The following IL5RA variants were observed in gnomAD, a reference collection of about 807,000 sequenced individuals.
The protein encoded by IL5RA is interleukin 5 receptor subunit alpha.
In IL5RA, 49 loss-of-function variants were observed where a neutral mutation model predicts 50.0. The observed-to-expected ratio is 0.98, with a 90% CI of 0.78 to 1.24. The LOEUF (loss-of-function observed/expected upper bound fraction) is 1.24. IL5RA is among the 50% of genes most tolerant of loss of function. IL5RA has a pLI of 0.00. For missense variants in IL5RA, 600 were observed against 500.4 expected, an observed-to-expected ratio of 1.20 and a Z score of -1.90; for synonymous variants, 202 against 174.0, an observed-to-expected ratio of 1.16 and a Z score of -1.26.
intron 1 of IL5RA, among the ~76,000 whole-genome samples, chr3:3,108,925 A>C (rs1704057262): frequency 6.6e-6 from 1 of 152,222 alleles, no homozygotes; most frequent in Non-Finnish European, 1.5e-5. Flanking sequence ...ACTTTTAACA[A>C]ATAGCTACAT....
intron 5 of IL5RA, among the ~76,000 whole-genome samples, chr3:3,101,115 G>T (rs1248148398): frequency 2.0e-5 from 3 of 151,474 alleles, no homozygotes; most frequent in African/African-American, 7.3e-5. Flanking sequence ...GGAGGCAGAG[G>T]TTGCAGTGAG....
rs565772259 is a variant in IL5RA at position 3,073,827 on chromosome 3, C to T, written c.1176+955G>A. ...AGATGTATATGAAAATGCAGAGGAC[C>T]TACAATAACCAAAACAAATTTTTAA... On this transcript the variant is annotated intron_variant, in intron 11 of 11. Coordinates refer to ENST00000446632, the MANE Select transcript of IL5RA (RefSeq NM_175726.4). 2.6e-4 allele frequency: 116 copies of T among 441,040 alleles called. 4 individuals carry two copies. The Middle Eastern group carries it at 4.0e-3, about 15-fold the overall frequency. 27.3% of individuals were successfully genotyped at this position (441,040 alleles called of 1,614,324 possible).
At chr3:3,073,387 G>A (rs994200707) in intron 11 of IL5RA, among the ~76,000 whole-genome samples, 1 of 152,110 alleles carries the variant, frequency 6.6e-6, no homozygotes, top group Admixed American at 6.5e-5. Flanking sequence ...GGCCAAATCT[G>A]GCTTGTTGCC....
intron 9 of IL5RA, among the ~76,000 whole-genome samples, chr3:3,088,306 A>G (rs991765722): frequency 2.0e-5 from 3 of 152,174 alleles, no homozygotes; most frequent in Admixed American, 6.5e-5. Flanking sequence ...TGCAGCACTT[A>G]TATTTTACAG....
chr3:3,075,351 T>A (rs957065358), intron 10 of IL5RA, among the ~76,000 whole-genome samples: 2 of 151,794 alleles, frequency 1.3e-5, no homozygotes, highest in Middle Eastern at 3.4e-3. Flanking sequence ...TACAGGCACA[T>A]GCCACTGCGC....
In IL5RA at chr3:3,076,422, C is replaced by T. The variant is rs989712732; in HGVS notation, c.1091+109G>A. 4.6e-5 allele frequency: 33 copies of T among 711,466 alleles called. No individual in the cohort carries two copies. In the Admixed American group the frequency reaches 8.8e-4, roughly 19 times the overall value. 44.1% of individuals were successfully genotyped at this position (711,466 alleles called of 1,614,324 possible). A position where few individuals can be genotyped will look rare whatever the true frequency, so the allele number is the denominator to read the frequency against. Reference sequence around the variant, plus strand: ...AGGTCATCTAGGCACAAAAATGCCACAAATTTTACCTGATAATAAGAACCC... The same window carrying T: ...AGGTCATCTAGGCACAAAAATGCCATAAATTTTACCTGATAATAAGAACCC... On this transcript the variant is annotated intron_variant, in intron 10 of 11. Transcript: ENST00000446632.
At chr3:3,089,967 T>C (rs1190604604) in intron 9 of IL5RA, 4 of 440,532 alleles carry the variant, frequency 9.1e-6, no homozygotes, top group Non-Finnish European at 1.6e-5. Context: ...GCTTGCAGAA[T>C]CCTGTCCCAC....
chr3:3,104,069 C>T (rs1446355934), intron 3 of IL5RA, among the ~76,000 whole-genome samples: 1 of 152,174 alleles, frequency 6.6e-6, no homozygotes, highest in African/African-American at 2.4e-5. Flanking sequence ...GACAGAGTCT[C>T]ACTCTGTTGC....
rs17882872 is a variant in IL5RA, at chr3:3,092,814, G to A, written c.856-452C>T. 7.6e-3 allele frequency among the ~76,000 whole-genome samples: 1,159 copies of A among 152,052 alleles called. 3 individuals are homozygous for A. Among genetic ancestry groups the A allele is most frequent in the Non-Finnish European group, 0.012 (841 of 68,004 alleles). On this transcript the variant is annotated intron_variant, in intron 8 of 11. Coordinates refer to ENST00000446632, the MANE Select transcript of IL5RA (RefSeq NM_175726.4). The surrounding 1 kb of genome is among the most constrained non-coding windows in gnomAD (Gnocchi z 4.2). ...CTTTTTCCTTCTACTGATCATGGTC[G>A]CCACCATCCAGCTAGTCCCCTGTAC...
intron 2 of IL5RA, among the ~76,000 whole-genome samples, chr3:3,106,360 TA>T (rs1703922288): frequency 6.6e-6 from 1 of 152,210 alleles, no homozygotes; most frequent in African/African-American, 2.4e-5. Flanking sequence ...CTTCTTAAAT[TA>T]TTACTTAAGT....
intron 2 of IL5RA, among the ~76,000 whole-genome samples, chr3:3,105,228 C>T (rs778464342): frequency 2.4e-4 from 37 of 152,182 alleles, no homozygotes; most frequent in Non-Finnish European, 4.1e-4. Context: ...GAAAAACTGC[C>T]TCAGTAAAGG....
intron 7 of IL5RA, among the ~76,000 whole-genome samples, chr3:3,097,392 AC>A (rs58232794): frequency 0.02 from 3,079 of 152,258 alleles, 104 homozygotes; most frequent in African/African-American, 0.071. Flanking sequence ...GACTCAAATC[AC>A]CTGGGGTGGC....
intron 2 of IL5RA, among the ~76,000 whole-genome samples, chr3:3,107,956 T>C (rs1027624595): frequency 8.5e-5 from 13 of 152,288 alleles, no homozygotes; most frequent in African/African-American, 3.1e-4. Flanking sequence ...TTTTTCTGCC[T>C]GGGGCGTTCG....
In IL5RA at chr3:3,074,849, TTGATCCATAAA is replaced by T; in HGVS notation, c.1098_1108del (p.His366GlnfsTer12). On this transcript the variant is annotated frameshift_variant, in exon 11 of 12. Transcript: ENST00000446632. LOFTEE classifies it high-confidence loss of function. ...TGGTGCTGGAATTGGTGGAAACAACTTGATCCATAAATGACATCTGAAAACAGAGTAAAGAA... is the reference window on the plus strand; with the variant it reads ...TGGTGCTGGAATTGGTGGAAACAACTTGACATCTGAAAACAGAGTAAAGAA... The T allele has an allele frequency of 6.2e-7, 1 of 1,607,158 alleles. No individual in the cohort carries two copies. The highest frequency in any genetic ancestry group is 1.1e-5 in the South Asian group (1 of 90,928).
chr3:3,068,237 C>T lies in IL5RA; in HGVS notation c.*1988G>A, dbSNP rs1409781804. 1 of 152,022 alleles carries T rather than the reference C, an allele frequency of 6.6e-6. No individual in the cohort carries two copies. Among genetic ancestry groups the T allele is most frequent in the Non-Finnish European group, 1.5e-5 (1 of 68,044 alleles). 9.4% of individuals were successfully genotyped at this position (152,022 alleles called of 1,614,324 possible). A position where few individuals can be genotyped will look rare whatever the true frequency, so the allele number is the denominator to read the frequency against. On this transcript the variant is annotated 3_prime_UTR_variant, in exon 12 of 12. Transcript: ENST00000446632. The stretch of plus-strand genomic sequence containing the variant: ...CCACTCCTCTGTGTCTTAAGGAGCC[C>T]TCCAGGCGCCTCTGATTCTGACCTA...
rs1468407723 is a variant in IL5RA, at chr3:3,102,753, C to G, written c.150G>C (p.Trp50Cys). 16 of 1,610,918 alleles carry G rather than the reference C, an allele frequency of 9.9e-6. No individual in the cohort carries two copies. Among genetic ancestry groups the G allele is most frequent in the Non-Finnish European group, 1.4e-5 (16 of 1,177,800 alleles). The change falls in exon 4 of 12, where the codon TGG becomes TGC. Residue 50 changes from tryptophan (W) to cysteine (C), a missense_variant. Transcript: ENST00000446632. ...TTTGCTCTTGATCAGGATTTGGTTT[C>G]CATTGTAAAAGAACTTGAGCCAAAC... ...VTGLAQVLLQ[W>C]KPNPDQEQRN...
chr3:3,093,317 CA>C (rs1400963706), intron 8 of IL5RA, among the ~76,000 whole-genome samples: 1 of 152,172 alleles, frequency 6.6e-6, no homozygotes, highest in East Asian at 1.9e-4. Flanking sequence ...TAGGCTGGTG[CA>C]AGTCAGGAAC....
intron 9 of IL5RA, among the ~76,000 whole-genome samples, chr3:3,078,043 G>A (rs746892233): frequency 6.6e-6 from 1 of 152,128 alleles, no homozygotes; most frequent in Non-Finnish European, 1.5e-5. Flanking sequence ...GGGTGCTCCT[G>A]TCATGGAGTC....
chr3:3,070,233 C>T lies in IL5RA; in HGVS notation c.1255G>A (p.Val419Met). 11 of 1,610,042 alleles carry T rather than the reference C, an allele frequency of 6.8e-6. No individual in the cohort carries two copies. Among genetic ancestry groups the T allele is most frequent in the Non-Finnish European group, 9.3e-6 (11 of 1,176,718 alleles). Reference protein sequence around the residue: ...KPGVETLEDSVF With the variant: ...KPGVETLEDSMF Reference sequence around the variant, plus strand: ...GGATGCCAAAGTGACAGTCAAAACACAGAATCCTCCAGGGTCTCAACTCCA... The same window carrying T: ...GGATGCCAAAGTGACAGTCAAAACATAGAATCCTCCAGGGTCTCAACTCCA... The change falls in exon 12 of 12, where the codon GTG becomes ATG. Residue 419 changes from valine to methionine, a missense_variant. By Grantham distance (21) the Val-to-Met change is conservative. Transcript: ENST00000446632.
Sources: allele counts gnomAD v4.1 joint callset (sites outside exome capture counted in the v4.1 genomes callset), GRCh38; gene constraint gnomAD v4.1.1; non-coding constraint Gnocchi (gnomAD v3.1); transcripts MANE v1.5; gene names NCBI Gene and HGNC (gene_info 2026-07-23, HGNC 2026-07-21).